SOX5: variants seen among roughly 807,000 people sequenced by gnomAD.
SOX5 encodes SRY-box transcription factor 5.
SOX5 carries 9 observed loss-of-function variants against 92.0 expected under a neutral mutation model. The ratio of observed to expected loss-of-function variants is 0.10; its 90% CI spans 0.06 to 0.17. The LOEUF is 0.17. SOX5 is among the 10% of genes least tolerant of loss of function. The pLI, the probability that SOX5 is intolerant of heterozygous loss-of-function variation, is 1.00. For missense variants in SOX5, 642 were observed against 944.5 expected (o/e 0.68, Z 4.20); for synonymous variants, 344 against 336.3 (o/e 1.02, Z -0.25).
At chr12:23,799,028 C>A (rs1190669309) in intron 3 of SOX5, among the ~76,000 whole-genome samples, 1 of 151,874 alleles carries the variant, frequency 6.6e-6, no homozygotes, top group Non-Finnish European at 1.5e-5. Context: ...AGACTTCTTC[C>A]CTCCTGCTCA....
At chr12:24,413,970 G>T (rs1280330326) in intron 1 of SOX5, among the ~76,000 whole-genome samples, 1 of 152,144 alleles carries the variant, frequency 6.6e-6, no homozygotes, top group African/African-American at 2.4e-5. Flanking sequence ...TATATTCCCT[G>T]ATTCATTTTA....
chr12:24,219,251 G>C (rs941782758), intron 3 of SOX5, among the ~76,000 whole-genome samples: 1 of 151,982 alleles, frequency 6.6e-6, no homozygotes, highest in Non-Finnish European at 1.5e-5. Context: ...GCACAATAGG[G>C]TGACTACAGC....
chr12:23,940,639 G>C (rs1943448083), intron 1 of SOX5, among the ~76,000 whole-genome samples: 1 of 151,068 alleles, frequency 6.6e-6, no homozygotes, highest in African/African-American at 2.4e-5. Flanking sequence ...CTAGCTAATA[G>C]CGCTTTGTAC....
intron 3 of SOX5, among the ~76,000 whole-genome samples, chr12:23,807,076 T>A (rs2142311545): frequency 6.6e-6 from 1 of 152,240 alleles, no homozygotes; most frequent in Non-Finnish European, 1.5e-5. Flanking sequence ...TATCAATGTT[T>A]CCATGAAATC....
chr12:24,319,418 C>T (rs1450282183), intron 2 of SOX5, among the ~76,000 whole-genome samples: 3 of 152,124 alleles, frequency 2.0e-5, no homozygotes, highest in South Asian at 4.2e-4. Context: ...ACCTATTTTT[C>T]GAAGCCAGAA....
intron 13 of SOX5, among the ~76,000 whole-genome samples, chr12:23,537,616 G>GT (rs766580980): frequency 6.6e-6 from 1 of 152,114 alleles, no homozygotes; most frequent in Admixed American, 6.5e-5. Context: ...AACCCAAATT[G>GT]TTTTCCCCCT....
chr12:23,771,954 G>T (rs1354228542), intron 3 of SOX5, among the ~76,000 whole-genome samples: 1 of 152,096 alleles, frequency 6.6e-6, no homozygotes, highest in African/African-American at 2.4e-5. Flanking sequence ...CAAATTTGAG[G>T]TGCTCATATA....
intron 2 of SOX5, among the ~76,000 whole-genome samples, chr12:24,311,274 G>A (rs1475333972): frequency 6.6e-6 from 1 of 152,162 alleles, no homozygotes; most frequent in Non-Finnish European, 1.5e-5. Flanking sequence ...GATTATCCAT[G>A]TAATTCATCA....
chr12:24,189,792 T>G (rs980758589), intron 4 of SOX5, among the ~76,000 whole-genome samples: 1 of 152,204 alleles, frequency 6.6e-6, no homozygotes, highest in Non-Finnish European at 1.5e-5. Context: ...ATATAAATCA[T>G]TTTATGTATG....
At chr12:23,769,664 A>G (rs2094857132) in intron 3 of SOX5, among the ~76,000 whole-genome samples, 1 of 152,188 alleles carries the variant, frequency 6.6e-6, no homozygotes. Flanking sequence ...TATATGTTGA[A>G]TTGTATCTTC....
At chr12:23,713,272 A>G (rs900706898) in intron 6 of SOX5, among the ~76,000 whole-genome samples, 4 of 152,184 alleles carry the variant, frequency 2.6e-5, no homozygotes, top group East Asian at 1.9e-4. Context: ...GCTTCCTCAG[A>G]GCCTCCAGAA....
At chr12:24,238,566 A>G (rs1400355367) in intron 3 of SOX5, among the ~76,000 whole-genome samples, 1 of 152,084 alleles carries the variant, frequency 6.6e-6, no homozygotes, top group Non-Finnish European at 1.5e-5. Context: ...CATGTTGCCC[A>G]GGTTGGTCTT....
intron 2 of SOX5, among the ~76,000 whole-genome samples, chr12:24,321,560 C>T (rs949684578): frequency 2.0e-5 from 3 of 152,194 alleles, no homozygotes; most frequent in African/African-American, 7.2e-5. Context: ...AGTTCAAGCC[C>T]ATGAATATCA....
intron 4 of SOX5, among the ~76,000 whole-genome samples, chr12:24,167,996 G>A (rs2139082034): frequency 6.6e-6 from 1 of 152,322 alleles, no homozygotes; most frequent in East Asian, 1.9e-4. Context: ...AGGAAAGGAT[G>A]TTCCTTGTTT....
chr12:24,506,166 C>T (rs1358257936), intron 1 of SOX5, among the ~76,000 whole-genome samples: 3 of 152,012 alleles, frequency 2.0e-5, no homozygotes, highest in Admixed American at 1.3e-4. Context: ...ACATCAAAAT[C>T]TTTACATGAC....
At chr12:24,122,844 A>G (rs567357211) in intron 4 of SOX5, among the ~76,000 whole-genome samples, 2 of 152,342 alleles carry the variant, frequency 1.3e-5, no homozygotes, top group Admixed American at 1.3e-4. Flanking sequence ...AACTACAGAA[A>G]AAAAATGTTT....
intron 1 of SOX5, among the ~76,000 whole-genome samples, chr12:24,457,330 G>A (rs1943129501): frequency 6.6e-6 from 1 of 152,036 alleles, no homozygotes; most frequent in African/African-American, 2.4e-5. Context: ...TCTAAAACCT[G>A]TTTTTTTTAA....
At chr12:24,006,559 G>C (rs986803521) in intron 4 of SOX5, among the ~76,000 whole-genome samples, 3 of 151,998 alleles carry the variant, frequency 2.0e-5, no homozygotes, top group African/African-American at 7.2e-5. Flanking sequence ...AGTTGTCCCT[G>C]TGTTCTGTGC....
At chr12:24,127,937 C>T (rs1028730187) in intron 4 of SOX5, among the ~76,000 whole-genome samples, 8 of 152,264 alleles carry the variant, frequency 5.3e-5, no homozygotes, top group Middle Eastern at 3.4e-3. Flanking sequence ...GGAAATAGAT[C>T]GGATCGGGCA....
Sources: gnomAD v4.1 joint callset for allele counts (sites outside exome capture counted in the v4.1 genomes callset) on GRCh38, gnomAD v4.1.1 for gene constraint, MANE v1.5 for transcripts, NCBI Gene and HGNC (gene_info 2026-07-23, HGNC 2026-07-21) for gene names.